Variants in CCAR1 observed in about 807,000 individuals in gnomAD.
The protein encoded by CCAR1 is cell division cycle and apoptosis regulator 1.
Under a neutral mutation model 163.8 loss-of-function variants are expected in CCAR1, and 78 were observed. The ratio of observed to expected loss-of-function variants is 0.48; its 90% CI spans 0.40 to 0.57. CCAR1 has a LOEUF of 0.57. Ranked by LOEUF, CCAR1 falls within the 20% of genes least tolerant of loss-of-function variation. The pLI is 0.00. For missense variants in CCAR1, 1,019 were observed against 1,365.2 expected, an observed-to-expected ratio of 0.75 and a Z score of 4.00; for synonymous variants, 443 against 460.7, an observed-to-expected ratio of 0.96 and a Z score of 0.49.
At chr10:68,757,173 T>C (rs1162303045) in intron 14 of CCAR1, 121 bp from the exon 15 acceptor site, 6 of 600,716 alleles carry the variant, frequency 1.0e-5, no homozygotes, top group African/African-American at 1.9e-5. Flanking sequence ...ATAATAACTT[T>C]AGGAGAAGAC....
In CCAR1 at chr10:68,772,983, T is replaced by G. The variant is rs964674285; in HGVS notation, c.2539-5T>G. On this transcript the variant is annotated splice_polypyrimidine_tract_variant and splice_region_variant and intron_variant, in intron 18 of 24. Coordinates refer to ENST00000265872, the MANE Select transcript of CCAR1 (RefSeq NM_018237.4). ...AATAAATAATAAAGGCATTTTAAAT[T>G]ATAGAAAGAAGATAAAAGAAAAGAT... The G allele has an allele frequency of 7.6e-7, 1 of 1,316,994 alleles. No homozygotes were observed. The highest frequency in any genetic ancestry group is 1.1e-6 in the Non-Finnish European group (1 of 946,312). The allele number at this position is 1,316,994 out of a possible 1,614,324, so 81.6% of individuals were successfully genotyped here. A position where few individuals can be genotyped will look rare whatever the true frequency, so the allele number is the denominator to read the frequency against.
Position 68,771,249 on chromosome 10 carries a change from AT to A in CCAR1, c.2346del (p.Phe782LeufsTer109). 6.3e-7 allele frequency: 1 copy of A among 1,597,258 alleles called. No individual in the cohort carries two copies. The highest frequency in any genetic ancestry group is 8.5e-7 in the Non-Finnish European group (1 of 1,175,626). ...CTTTTCAACGAAATGCTTCAAAGAG[AT>A]TTTGGTGTCCGTATATACAAATCAT... is the stretch of plus-strand genomic sequence containing the variant. ...AELFNEMLQR[D>X]FGVRIYKSLL... On this transcript the variant is annotated frameshift_variant, in exon 18 of 25. Coordinates refer to ENST00000265872, the MANE Select transcript of CCAR1 (RefSeq NM_018237.4). LOFTEE classifies it high-confidence loss of function.
intron 3 of CCAR1, among the ~76,000 whole-genome samples, chr10:68,737,517 AAGT>A (rs1032218303): frequency 1.3e-5 from 2 of 150,108 alleles, no homozygotes; most frequent in Admixed American, 6.6e-5. Flanking sequence ...AAAAAAAAAA[AAGT>A]AGTTGAATAG....
Position 68,742,471 on chromosome 10 carries a change from G to A in CCAR1, c.420G>A (p.Gln140=), listed in dbSNP as rs2056195461. 1 of 1,614,158 alleles carries A rather than the reference G, an allele frequency of 6.2e-7. No individual in the cohort carries two copies. Among genetic ancestry groups the A allele is most frequent in the Non-Finnish European group, 8.5e-7 (1 of 1,180,000 alleles). ...ATCCAACACCAAGGTCCAGTCAACAGCAAACCCAGCCTCAGAAGCAGCGTG... is the reference window on the plus strand; with the variant it reads ...ATCCAACACCAAGGTCCAGTCAACAACAAACCCAGCCTCAGAAGCAGCGTG... ...VSYPTPRSSQ[Q]QTQPQKQRVF... The change falls in exon 6 of 25, where the codon CAG becomes CAA. Residue 140 remains glutamine (Q), a synonymous_variant. Coordinates refer to ENST00000265872, the MANE Select transcript of CCAR1 (RefSeq NM_018237.4).
chr10:68,773,125 T>C (rs758585268), intron 19 of CCAR1, 26 bp downstream of exon 19: 1 of 1,153,408 alleles, frequency 8.7e-7, no homozygotes, highest in Admixed American at 2.2e-5. Flanking sequence ...ATTTATTACT[T>C]CTTAGAGTTA....
At chr10:68,726,552 T>C (rs2055950110) in intron 2 of CCAR1, among the ~76,000 whole-genome samples, 1 of 152,214 alleles carries the variant, frequency 6.6e-6, no homozygotes, top group Admixed American at 6.6e-5. Flanking sequence ...TTGGTGGTGA[T>C]ACTCTATCTT....
chr10:68,752,862 T>A (rs2056348833), intron 10 of CCAR1, among the ~76,000 whole-genome samples: 1 of 151,380 alleles, frequency 6.6e-6, no homozygotes, highest in Non-Finnish European at 1.5e-5. Flanking sequence ...CAGAGCAAGA[T>A]TCTGCCTGTA....
At chr10:68,749,472 G>A (rs1490842880) in intron 9 of CCAR1, 52 bp from the exon 10 acceptor site, 2 of 1,475,716 alleles carry the variant, frequency 1.4e-6, no homozygotes, top group Non-Finnish European at 1.9e-6. Flanking sequence ...TCATTGAAGA[G>A]CTTTTCCATA....
intron 2 of CCAR1, among the ~76,000 whole-genome samples, chr10:68,735,328 G>A (rs1464898841): frequency 6.7e-6 from 1 of 149,504 alleles, no homozygotes; most frequent in Non-Finnish European, 1.5e-5. Context: ...CAGCCTTAGT[G>A]ACAAAGTGAG....
intron 2 of CCAR1, among the ~76,000 whole-genome samples, chr10:68,724,772 G>T (rs1341407642): frequency 1.3e-5 from 2 of 151,996 alleles, no homozygotes; most frequent in Admixed American, 1.3e-4. Context: ...GTGAGACCTG[G>T]TCTCAAAAAA....
intron 8 of CCAR1, 79 bp downstream of exon 8, chr10:68,747,645 A>G: frequency 7.5e-7 from 1 of 1,335,502 alleles, no homozygotes; most frequent in South Asian, 1.4e-5. Context: ...TTACAAAAAA[A>G]GGCAGGGATT....
rs564154914 is a variant in CCAR1, at chr10:68,783,899, C to T, written c.2651-2237C>T. On this transcript the variant is annotated intron_variant, in intron 19 of 24. Coordinates refer to ENST00000265872, the MANE Select transcript of CCAR1 (RefSeq NM_018237.4). ...CCTCCTGAGTAGTTGGGACTACAGG[C>T]GGCCGCCACCACGCCTGGCAAATTT... Among the ~76,000 whole-genome samples the T allele has an allele frequency of 1.1e-3, 160 of 151,720 alleles. 1 individual carries two copies. Among genetic ancestry groups the T allele is most frequent in the African/African-American group, 3.7e-3 (152 of 41,388 alleles).
rs2056399351 is a variant in CCAR1 at position 68,756,584 on chromosome 10, A to T, written c.1836+101A>T. Reference sequence around the variant, plus strand: ...ACTACATAATAAACACACATGGAGGAACATAACTGGTAACAGCGACTGGTA... The same window carrying T: ...ACTACATAATAAACACACATGGAGGTACATAACTGGTAACAGCGACTGGTA... On this transcript the variant is annotated intron_variant, in intron 14 of 24. Coordinates refer to ENST00000265872, the MANE Select transcript of CCAR1 (RefSeq NM_018237.4). This position sits in a 1 kb window ranked among gnomAD's most constrained non-coding sequence, Gnocchi z 5.1. 13 of 921,092 alleles carry T rather than the reference A, an allele frequency of 1.4e-5. No individual in the cohort carries two copies. Among genetic ancestry groups the T allele is most frequent in the Non-Finnish European group, 2.1e-5 (12 of 576,076 alleles). The allele number at this position is 921,092 out of a possible 1,614,324, so 57.1% of individuals were successfully genotyped here.
intron 17 of CCAR1, 106 bp downstream of exon 17, chr10:68,766,185 G>GT (rs2056533026): frequency 8.0e-5 from 60 of 746,926 alleles, no homozygotes; most frequent in East Asian, 1.8e-4. Flanking sequence ...CGCTTTTCGT[G>GT]GTTTTTTTTG....
At chr10:68,766,190 T>G (rs1420586761) in intron 17 of CCAR1, 111 bp downstream of exon 17, 9 of 747,044 alleles carry the variant, frequency 1.2e-5, no homozygotes, top group Admixed American at 3.1e-5. Context: ...TTCGTGGTTT[T>G]TTTTGTTTTG....
At chr10:68,779,284 G>A (rs2056706039) in intron 19 of CCAR1, among the ~76,000 whole-genome samples, 1 of 150,132 alleles carries the variant, frequency 6.7e-6, no homozygotes, top group Non-Finnish European at 1.5e-5. Flanking sequence ...TTGAGACAGA[G>A]TTTTGCTCTG....
chr10:68,729,558 C>T (rs988233143), intron 2 of CCAR1, among the ~76,000 whole-genome samples: 5 of 151,830 alleles, frequency 3.3e-5, no homozygotes, highest in African/African-American at 4.8e-5. Flanking sequence ...TGTGAGCCAC[C>T]GCGCCCGGCT....
At chr10:68,738,322 G>A (rs72799579) in intron 4 of CCAR1, among the ~76,000 whole-genome samples, 9,873 of 152,224 alleles carry the variant, frequency 0.065, 431 homozygotes, top group South Asian at 0.14. Flanking sequence ...GCTGAGACAG[G>A]GAGGCTGAGG....
chr10:68,760,875 A>G, intron 15 of CCAR1, 132 bp from the exon 16 acceptor site: 1 of 391,326 alleles, frequency 2.6e-6, no homozygotes, highest in Non-Finnish European at 4.1e-6. Flanking sequence ...AAAAAAACAA[A>G]AAACAAAAAA....
Sources: gnomAD v4.1 joint callset for allele counts (sites outside exome capture counted in the v4.1 genomes callset) on GRCh38, gnomAD v4.1.1 for gene constraint, Gnocchi (gnomAD v3.1) non-coding constraint, MANE v1.5 for transcripts, NCBI Gene and HGNC (gene_info 2026-07-23, HGNC 2026-07-21) for gene names.